Variants in GRHL2 observed in about 807,000 individuals in gnomAD.
GRHL2 encodes the protein grainyhead-like protein 2 homolog.
In GRHL2, 21 loss-of-function variants were observed where a neutral mutation model predicts 83.8. That is an observed-to-expected ratio of 0.25 (90% confidence interval 0.18 to 0.36). The LOEUF (loss-of-function observed/expected upper bound fraction) is 0.36, where lower values mean the gene tolerates loss of function less well. GRHL2 is among the 10% of genes least tolerant of loss of function. The pLI is 1.00. For synonymous variants in GRHL2, 280 were observed against 278.9 expected, an observed-to-expected ratio of 1.00 and a Z score of -0.04; for missense variants, 623 against 781.8, an observed-to-expected ratio of 0.80 and a Z score of 2.42.
intron 1 of GRHL2, among the ~76,000 whole-genome samples, chr8:101,493,139 G>C (rs999050027): frequency 6.6e-6 from 1 of 151,952 alleles, no homozygotes; most frequent in Non-Finnish European, 1.5e-5. Context: ...TTCCCTCTCT[G>C]TTTTAGCTGC....
chr8:101,513,103 A>C (rs1284987578), intron 1 of GRHL2, among the ~76,000 whole-genome samples: 1 of 152,302 alleles, frequency 6.6e-6, no homozygotes, highest in East Asian at 1.9e-4. Context: ...ATCAATCAAT[A>C]AATTTCCTAA....
the GRHL2 span, among the ~76,000 whole-genome samples, chr8:101,677,850 C>T: frequency 3.3e-5 from 5 of 152,100 alleles, no homozygotes; most frequent in African/African-American, 4.8e-5. Flanking sequence ...ATGTGGTCAG[C>T]GTTCACTGTA....
intron 14 of GRHL2, among the ~76,000 whole-genome samples, chr8:101,654,176 A>G (rs1159464466): frequency 1.3e-5 from 2 of 152,242 alleles, no homozygotes; most frequent in African/African-American, 4.8e-5. Context: ...CAGGGCCAGC[A>G]GAATTCACAA....
intron 1 of GRHL2, chr8:101,542,832 G>A (rs470801): frequency 0.17 from 78,912 of 456,922 alleles, 7,272 homozygotes; most frequent in South Asian, 0.25. Context: ...GCAAGAGGGG[G>A]TGAAGCTATT....
intron 1 of GRHL2, among the ~76,000 whole-genome samples, chr8:101,495,796 A>C (rs1212824966): frequency 6.6e-6 from 1 of 152,194 alleles, no homozygotes; most frequent in African/African-American, 2.4e-5. Flanking sequence ...ACATACTTCT[A>C]ATAAACACAA....
intron 5 of GRHL2, among the ~76,000 whole-genome samples, chr8:101,572,356 G>C (rs1389086899): frequency 6.6e-6 from 1 of 152,152 alleles, no homozygotes; most frequent in Non-Finnish European, 1.5e-5. Context: ...TCTGGAATTT[G>C]CTTAGTTTAT....
chr8:101,650,737 C>G (rs1378983199), intron 14 of GRHL2, among the ~76,000 whole-genome samples: 1 of 151,796 alleles, frequency 6.6e-6, no homozygotes, highest in African/African-American at 2.4e-5. Context: ...GATGGTTGTA[C>G]AGTATTGTGA....
intron 8 of GRHL2, among the ~76,000 whole-genome samples, chr8:101,606,669 C>T (rs1259630272): frequency 6.6e-6 from 1 of 152,192 alleles, no homozygotes; most frequent in Non-Finnish European, 1.5e-5. Flanking sequence ...CAGTGACTGG[C>T]TTCATGTTGT....
downstream of GRHL2, among the ~76,000 whole-genome samples, chr8:101,673,496 A>G (rs893670881): frequency 8.2e-5 from 12 of 145,980 alleles, no homozygotes; most frequent in African/African-American, 3.1e-4. Flanking sequence ...CAACAAGAAG[A>G]GCTAACTATC....
chr8:101,555,934 GC>G, intron 3 of GRHL2, among the ~76,000 whole-genome samples: 1 of 152,218 alleles, frequency 6.6e-6, no homozygotes, highest in East Asian at 1.9e-4. Context: ...ACACACAGGA[GC>G]CAGAAGAGCC....
At chr8:101,678,365 C>T in the GRHL2 span, among the ~76,000 whole-genome samples, 1 of 152,254 alleles carries the variant, frequency 6.6e-6, no homozygotes, top group African/African-American at 2.4e-5. Flanking sequence ...GAATACTGCG[C>T]TTTTCCGACG....
chr8:101,552,888 G>C (rs1563576942), intron 3 of GRHL2, 106 bp downstream of exon 3: 1 of 1,030,922 alleles, frequency 9.7e-7, no homozygotes, highest in Non-Finnish European at 1.5e-6. Context: ...AAGAAGCTTA[G>C]CATCATCTAT....
At chr8:101,673,685 C>T (rs145060174), downstream of GRHL2, among the ~76,000 whole-genome samples, 576 of 152,138 alleles carry the variant, frequency 3.8e-3, 9 homozygotes, top group East Asian at 0.057. Context: ...AGGAATTGAA[C>T]TCAGCTCTGC....
intron 14 of GRHL2, among the ~76,000 whole-genome samples, chr8:101,652,615 T>TG (rs1554596897): frequency 0.026 from 3,093 of 120,012 alleles, 215 homozygotes; most frequent in African/African-American, 0.1. Flanking sequence ...GTGTGTGTGG[T>TG]GTGTGTGTGT....
chr8:101,648,446 C>T (rs553463332), intron 13 of GRHL2, among the ~76,000 whole-genome samples: 38 of 152,334 alleles, frequency 2.5e-4, no homozygotes, highest in Admixed American at 1.6e-3. Flanking sequence ...ACTGCTTCCC[C>T]CACTGATCGA....
At chr8:101,585,219 G>C (rs1310564983) in intron 7 of GRHL2, among the ~76,000 whole-genome samples, 1 of 152,154 alleles carries the variant, frequency 6.6e-6, no homozygotes, top group Non-Finnish European at 1.5e-5. Flanking sequence ...TTCTCTGGAG[G>C]GCTGTCCTTT....
At chr8:101,601,195 C>T (rs1023691355) in intron 8 of GRHL2, among the ~76,000 whole-genome samples, 1 of 149,920 alleles carries the variant, frequency 6.7e-6, no homozygotes, top group Admixed American at 6.6e-5. Context: ...CACACCCCAC[C>T]ACCACCACCA....
chr8:101,666,501 C>A (rs772135588), intron 15 of GRHL2, 88 bp from the exon 16 acceptor site: 21 of 773,484 alleles, frequency 2.7e-5, no homozygotes, highest in Admixed American at 2.5e-4. Context: ...AGAATGGCTA[C>A]GAGAACCCCC....
At chr8:101,582,923 C>T (rs1251207151) in intron 7 of GRHL2, among the ~76,000 whole-genome samples, 1 of 152,012 alleles carries the variant, frequency 6.6e-6, no homozygotes, top group African/African-American at 2.4e-5. Context: ...CCATGTTTTT[C>T]TGTTGTTGAA....
Sources: gnomAD v4.1 joint callset for allele counts (sites outside exome capture counted in the v4.1 genomes callset) on GRCh38, gnomAD v4.1.1 for gene constraint, MANE v1.5 for transcripts, NCBI Gene and HGNC (gene_info 2026-07-23, HGNC 2026-07-21) for gene names.